The following SHC2 variants were observed in gnomAD, a reference collection of about 807,000 sequenced individuals.
SHC2 encodes SHC adaptor protein 2, also known as SHC-transforming protein 2.
SHC2 carries 62 observed loss-of-function variants against 60.6 expected under a neutral mutation model. The observed-to-expected ratio is 1.02, with a 90% CI of 0.83 to 1.26. The LOEUF (loss-of-function observed/expected upper bound fraction) is 1.26. Among genes scored for constraint, SHC2 ranks in the 50% most tolerant of loss-of-function variants. SHC2 has a pLI of 0.00. For synonymous variants in SHC2, 375 were observed against 372.4 expected (o/e 1.01, Z -0.08); for missense variants, 873 against 822.2 (o/e 1.06, Z -0.76).
chr19:454,947 C>T (rs888585774), intron 1 of SHC2, among the ~76,000 whole-genome samples: 4 of 152,368 alleles, frequency 2.6e-5, no homozygotes, highest in Admixed American at 1.3e-4. Context: ...CCGCATCGCT[C>T]GTCTCTGCCC....
intron 1 of SHC2, among the ~76,000 whole-genome samples, chr19:456,287 G>A (rs1202055196): frequency 6.6e-6 from 1 of 152,048 alleles, no homozygotes; most frequent in African/African-American, 2.4e-5. Context: ...TGTAGGTGCT[G>A]GGAGACGGGG....
At chr19:447,633 C>T (rs1292643620) in intron 1 of SHC2, among the ~76,000 whole-genome samples, 6 of 152,112 alleles carry the variant, frequency 3.9e-5, no homozygotes, top group Non-Finnish European at 7.4e-5. Flanking sequence ...ACAAGATTAG[C>T]TGGGCATGTT....
chr19:459,804 C>G (rs1361049313), intron 1 of SHC2, among the ~76,000 whole-genome samples: 1 of 152,182 alleles, frequency 6.6e-6, no homozygotes, highest in Non-Finnish European at 1.5e-5. Context: ...TTCCCAGACG[C>G]CGTAATGACT....
Position 438,087 on chromosome 19 carries a change from G to A in SHC2, c.720+631C>T, listed in dbSNP as rs958711034. Among the ~76,000 whole-genome samples, 2 of 152,154 alleles carry A rather than the reference G, an allele frequency of 1.3e-5. No homozygotes were observed. The highest frequency in any genetic ancestry group is 2.4e-5 in the African/African-American group (1 of 41,418). ...GCAACCTCCACTCCCAGGTTCAAGC[G>A]ATTCTCCTGCCTCAGCCTCCCAAGT... On this transcript the variant is annotated intron_variant, in intron 4 of 12. Coordinates refer to ENST00000264554, the MANE Select transcript of SHC2 (RefSeq NM_012435.3). This position sits in a 1 kb window ranked among gnomAD's most constrained non-coding sequence, Gnocchi z 5.0.
rs562384051 is a variant in SHC2 at position 429,863 on chromosome 19, C to T, written c.1174+821G>A. 1.0e-3 allele frequency among the ~76,000 whole-genome samples: 154 copies of T among 150,602 alleles called. 1 individual carries two copies. The highest frequency in any genetic ancestry group is 3.4e-3 in the African/African-American group (140 of 40,756). ...CCCAACACGCACAGAAACCTAACAC[C>T]GTGTGGATGACGCAGTACCTATATC... On this transcript the variant is annotated intron_variant, in intron 9 of 12. Transcript: ENST00000264554.
At position 436,537 on chromosome 19, in the gene SHC2, G is replaced by C. The variant is rs560183823; in HGVS notation, c.774+93C>G. ...GATGGGGCAGTGGATGTGGGCACAG[G>C]GTACGTTAGGCGGGCTCTGGGGAAG... is the stretch of plus-strand genomic sequence containing the variant. On this transcript the variant is annotated intron_variant, in intron 5 of 12. Coordinates refer to ENST00000264554, the MANE Select transcript of SHC2 (RefSeq NM_012435.3). 5 of 1,581,990 alleles carry C rather than the reference G, an allele frequency of 3.2e-6. No individual in the cohort carries two copies. The East Asian group carries it at 6.8e-5, about 21-fold the overall frequency.
At chr19:443,929 G>GATGGATGC (rs1974984658) in intron 1 of SHC2, among the ~76,000 whole-genome samples, 1 of 143,726 alleles carries the variant, frequency 7.0e-6, no homozygotes, top group African/African-American at 2.6e-5. Context: ...TGGATGGATG[G>GATGGATGC]ATGGACGGGT....
chr19:458,009 GA>G (rs879625683), intron 1 of SHC2, among the ~76,000 whole-genome samples: 6,164 of 148,102 alleles, frequency 0.042, 313 homozygotes, highest in Middle Eastern at 0.1. Flanking sequence ...GGAGGCAGAA[GA>G]GGGTCTTGGG....
At position 434,870 on chromosome 19, in the gene SHC2, G is replaced by T; in HGVS notation, c.954-5C>A. ...GACTCCTCCGGCCCTGCCAGCCTGGGGGACAGACAACAACGGCCATGGCAC... is the reference window on the plus strand; with the variant it reads ...GACTCCTCCGGCCCTGCCAGCCTGGTGGACAGACAACAACGGCCATGGCAC... On this transcript the variant is annotated splice_polypyrimidine_tract_variant and splice_region_variant and intron_variant, in intron 7 of 12. Coordinates refer to ENST00000264554, the MANE Select transcript of SHC2 (RefSeq NM_012435.3). The T allele has an allele frequency of 6.2e-7, 1 of 1,608,546 alleles. No homozygotes were observed.
chr19:422,296 G>A lies in SHC2; in HGVS notation c.1470C>T (p.Gly490=). The A allele has an allele frequency of 6.2e-7, 1 of 1,612,192 alleles. No homozygotes were observed. The highest frequency in any genetic ancestry group is 1.1e-5 in the South Asian group (1 of 90,906). The change falls in exon 11 of 13, where the codon GGC becomes GGT. Residue 490 remains glycine (G), a synonymous_variant. Coordinates refer to ENST00000264554, the MANE Select transcript of SHC2 (RefSeq NM_012435.3). The surrounding 1 kb of genome is among the most constrained non-coding windows in gnomAD (Gnocchi z 5.0). ...EQLRQEPWYH[G]RMSRRAAERM... ...TCTCTGCCGCCCGGCGGCTCATCCG[G>A]CCGTGGTACCAGGGCTCCTGACGCA...
intron 2 of SHC2, 39 bp from the exon 3 acceptor site, chr19:439,069 G>A (rs1974791030): frequency 2.0e-6 from 3 of 1,478,506 alleles, no homozygotes; most frequent in Non-Finnish European, 2.8e-6. Context: ...GTGTGGTGGG[G>A]GTGGCCATGG....
At chr19:428,565 G>A (rs1032413420) in intron 9 of SHC2, among the ~76,000 whole-genome samples, 7 of 152,230 alleles carry the variant, frequency 4.6e-5, no homozygotes, top group East Asian at 1.9e-4. Context: ...GGGCTATGAC[G>A]CACGTTTGAA....
At position 425,497 on chromosome 19, in the gene SHC2, C is replaced by T. The variant is rs778742745; in HGVS notation, c.1175-266G>A. Among the ~76,000 whole-genome samples, 1 of 152,172 alleles carries T rather than the reference C, an allele frequency of 6.6e-6. No individual in the cohort carries two copies. Among genetic ancestry groups the T allele is most frequent in the Non-Finnish European group, 1.5e-5 (1 of 68,018 alleles). ...TGGGGCTGTGGGCACCAGACGTCCACGCCCAGGGAGAAGGCAGCCGCTGCT... is the reference window on the plus strand; with the variant it reads ...TGGGGCTGTGGGCACCAGACGTCCATGCCCAGGGAGAAGGCAGCCGCTGCT... On this transcript the variant is annotated intron_variant, in intron 9 of 12. Coordinates refer to ENST00000264554, the MANE Select transcript of SHC2 (RefSeq NM_012435.3). This position sits in a 1 kb window ranked among gnomAD's most constrained non-coding sequence, Gnocchi z 4.1.
chr19:427,476 G>A (rs73507720), intron 9 of SHC2, among the ~76,000 whole-genome samples: 5,659 of 151,380 alleles, frequency 0.037, 418 homozygotes, highest in African/African-American at 0.13. Context: ...ACACGGCACA[G>A]GGAAGGGGAA....
In SHC2 at chr19:438,627, G is replaced by A; in HGVS notation, c.720+91C>T. ...TCTTTCTGGATAAACGCCACCTGCT[G>A]CCCGCCCCCAGCACCCCACCTGGCT... On this transcript the variant is annotated intron_variant, in intron 4 of 12. Transcript: ENST00000264554. This position sits in a 1 kb window ranked among gnomAD's most constrained non-coding sequence, Gnocchi z 5.0. The A allele has an allele frequency of 7.1e-7, 1 of 1,415,794 alleles. No homozygotes were observed. Among genetic ancestry groups the A allele is most frequent in the African/African-American group, 1.4e-5 (1 of 70,276 alleles). The allele number at this position is 1,415,794 out of a possible 1,614,324, so 87.7% of individuals were successfully genotyped here. A position where few individuals can be genotyped will look rare whatever the true frequency, so the allele number is the denominator to read the frequency against.
chr19:457,215 C>T (rs1253367389), intron 1 of SHC2, among the ~76,000 whole-genome samples: 1 of 133,020 alleles, frequency 7.5e-6, no homozygotes, highest in East Asian at 2.0e-4. Context: ...GCAAACCCCA[C>T]CACATCAGGC....
intron 1 of SHC2, among the ~76,000 whole-genome samples, chr19:448,214 T>C (rs1299492052): frequency 1.3e-5 from 2 of 152,232 alleles, no homozygotes; most frequent in African/African-American, 4.8e-5. Flanking sequence ...CTTCACCAAG[T>C]ACATTCATTT....
At chr19:431,349 ATC>A in intron 8 of SHC2, among the ~76,000 whole-genome samples, 1 of 135,620 alleles carries the variant, frequency 7.4e-6, no homozygotes, top group Admixed American at 7.4e-5. Context: ...CGTGAGTGAG[ATC>A]GTGAGTGAGA....
In SHC2 at chr19:453,550, C is replaced by T. The variant is rs1043041926; in HGVS notation, c.468+6979G>A. On this transcript the variant is annotated intron_variant, in intron 1 of 12. Coordinates refer to ENST00000264554, the MANE Select transcript of SHC2 (RefSeq NM_012435.3). The surrounding 1 kb of genome is among the most constrained non-coding windows in gnomAD (Gnocchi z 6.3). Reference sequence around the variant, plus strand: ...GTCTTCCAAAATGCTGGATTACAGGCGTGAGCCACCACGCCCGGCCAGAAC... The same window carrying T: ...GTCTTCCAAAATGCTGGATTACAGGTGTGAGCCACCACGCCCGGCCAGAAC... Among the ~76,000 whole-genome samples the T allele has an allele frequency of 2.0e-5, 3 of 152,154 alleles. No homozygotes were observed. The highest frequency in any genetic ancestry group is 2.4e-5 in the African/African-American group (1 of 41,430).
Sources: allele counts gnomAD v4.1 joint callset (sites outside exome capture counted in the v4.1 genomes callset), GRCh38; gene constraint gnomAD v4.1.1; non-coding constraint Gnocchi (gnomAD v3.1); transcripts MANE v1.5; gene names NCBI Gene and HGNC (gene_info 2026-07-23, HGNC 2026-07-21).